Variants in NXPE2 observed in about 807,000 individuals in gnomAD.
The protein encoded by NXPE2 is NXPE family member 2.
A neutral mutation model predicts 34.4 loss-of-function variants in NXPE2; 34 were observed. The observed-to-expected ratio is 0.99, with a 90% CI of 0.75 to 1.31. The LOEUF is 1.31. NXPE2 is among the 40% of genes most tolerant of loss of function. NXPE2 has a pLI of 0.00. For missense variants in NXPE2, 649 were observed against 672.5 expected (o/e 0.97, Z 0.39); for synonymous variants, 235 against 231.3 (o/e 1.02, Z -0.15).
the NXPE2 span, among the ~76,000 whole-genome samples, chr11:114,632,748 T>G: frequency 1.0e-4 from 1 of 9,810 alleles, no homozygotes; most frequent in African/African-American, 3.6e-4. Context: ...TAAAATATAT[T>G]ATAATATATC....
the NXPE2 span, among the ~76,000 whole-genome samples, chr11:114,591,058 A>T: frequency 6.6e-6 from 1 of 151,878 alleles, no homozygotes; most frequent in East Asian, 1.9e-4. Context: ...TCTCAGGGAA[A>T]CTCCCCTGGA....
At chr11:114,589,741 C>T in the NXPE2 span, among the ~76,000 whole-genome samples, 1 of 152,106 alleles carries the variant, frequency 6.6e-6, no homozygotes, top group Non-Finnish European at 1.5e-5. Flanking sequence ...GAGACAATAT[C>T]CCCTAAAGCC....
At chr11:114,492,266 A>G in the NXPE2 span, among the ~76,000 whole-genome samples, 1 of 152,034 alleles carries the variant, frequency 6.6e-6, no homozygotes, top group Admixed American at 6.5e-5. Context: ...TTAAGAGCAT[A>G]TTGTTTAATT....
At chr11:114,507,748 A>C in the NXPE2 span, among the ~76,000 whole-genome samples, 1 of 151,984 alleles carries the variant, frequency 6.6e-6, no homozygotes, top group Non-Finnish European at 1.5e-5. Context: ...ACATACCTCA[A>C]AATAAGAGCC....
chr11:114,577,116 T>C, the NXPE2 span, among the ~76,000 whole-genome samples: 2 of 142,062 alleles, frequency 1.4e-5, no homozygotes, highest in East Asian at 2.0e-4. Flanking sequence ...TATATACACA[T>C]ATATATAAAG....
At chr11:114,775,948 G>C in the NXPE2 span, among the ~76,000 whole-genome samples, 1 of 151,714 alleles carries the variant, frequency 6.6e-6, no homozygotes, top group Non-Finnish European at 1.5e-5. Flanking sequence ...AACTAATCCA[G>C]TCTGGCCACA....
chr11:114,552,208 C>T, the NXPE2 span: 1 of 152,148 alleles, frequency 6.6e-6, no homozygotes, highest in Non-Finnish European at 1.5e-5. Flanking sequence ...CATATTGAAT[C>T]ACTACCTTCT....
chr11:114,574,789 C>A, the NXPE2 span, among the ~76,000 whole-genome samples: 1 of 151,960 alleles, frequency 6.6e-6, no homozygotes, highest in South Asian at 2.1e-4. Context: ...AAATCCTATT[C>A]ACACTATTCC....
chr11:114,633,812 G>C, the NXPE2 span, among the ~76,000 whole-genome samples: 3 of 151,958 alleles, frequency 2.0e-5, no homozygotes, highest in African/African-American at 7.3e-5. Context: ...TTTTATGGCT[G>C]CATAGTATTC....
chr11:114,736,590 C>T, the NXPE2 span, among the ~76,000 whole-genome samples: 2 of 152,178 alleles, frequency 1.3e-5, no homozygotes, highest in Non-Finnish European at 2.9e-5. Context: ...AACACGCATG[C>T]TCTACAATTT....
At chr11:114,655,085 T>C in the NXPE2 span, among the ~76,000 whole-genome samples, 822 of 152,326 alleles carry the variant, frequency 5.4e-3, 6 homozygotes, top group African/African-American at 0.018. Context: ...TAATGAGCTT[T>C]TTTTTCTTCA....
At chr11:114,717,791 A>G in the NXPE2 span, among the ~76,000 whole-genome samples, 8 of 152,158 alleles carry the variant, frequency 5.3e-5, no homozygotes, top group Admixed American at 2.0e-4. Context: ...GTAAACCACA[A>G]CTGGATGTGA....
chr11:114,550,846 G>A, the NXPE2 span, among the ~76,000 whole-genome samples: 1 of 152,298 alleles, frequency 6.6e-6, no homozygotes, highest in Non-Finnish European at 1.5e-5. Context: ...GAAGTTGGTA[G>A]CTTTAACAAG....
rs759267381 is a variant in NXPE2, at chr11:114,706,516, A to G, written c.1266A>G (p.Leu422=). ...KHGHPFVTKK[L]FSVKDENYIP... Reference sequence around the variant, plus strand: ...GTCATCCATTTGTTACCAAAAAATTATTCTCAGTGAAAGATGAAAACTATA... The same window carrying G: ...GTCATCCATTTGTTACCAAAAAATTGTTCTCAGTGAAAGATGAAAACTATA... Residue 422 remains leucine (L), a synonymous_variant, in exon 6 of 6, where the codon TTA becomes TTG. Coordinates refer to ENST00000389586, the MANE Select transcript of NXPE2 (RefSeq NM_182495.6). The G allele has an allele frequency of 6.4e-7, 1 of 1,551,880 alleles. No individual in the cohort carries two copies. Among genetic ancestry groups the G allele is most frequent in the South Asian group, 1.2e-5 (1 of 84,070 alleles).
intron 2 of NXPE2, among the ~76,000 whole-genome samples, chr11:114,684,835 AGG>A (rs1951016113): frequency 6.6e-6 from 1 of 152,368 alleles, no homozygotes; most frequent in Middle Eastern, 3.4e-3. Context: ...GCAGTGTGAC[AGG>A]AAGTTGAATG....
the NXPE2 span, among the ~76,000 whole-genome samples, chr11:114,794,260 A>G: frequency 6.6e-6 from 1 of 152,266 alleles, no homozygotes; most frequent in Admixed American, 6.5e-5. Context: ...TTGCTTCATC[A>G]GACCATATTC....
intron 2 of NXPE2, among the ~76,000 whole-genome samples, chr11:114,683,546 G>A (rs951163247): frequency 2.0e-5 from 3 of 150,986 alleles, no homozygotes; most frequent in Non-Finnish European, 2.9e-5. Flanking sequence ...TCAGCCTCCC[G>A]AGTAGCTGGG....
chr11:114,612,518 G>C, the NXPE2 span, among the ~76,000 whole-genome samples: 1 of 151,712 alleles, frequency 6.6e-6, no homozygotes, highest in Non-Finnish European at 1.5e-5. Context: ...TTCCTCGGGG[G>C]TAACCACTGT....
At chr11:114,803,281 G>A in the NXPE2 span, among the ~76,000 whole-genome samples, 13 of 152,270 alleles carry the variant, frequency 8.5e-5, no homozygotes, top group Admixed American at 5.2e-4. Flanking sequence ...CTGACAACCC[G>A]AACTTACTAA....
Sources: gnomAD v4.1 joint callset for allele counts (sites outside exome capture counted in the v4.1 genomes callset) on GRCh38, gnomAD v4.1.1 for gene constraint, MANE v1.5 for transcripts, NCBI Gene and HGNC (gene_info 2026-07-23, HGNC 2026-07-21) for gene names.